MAP1LC3B2: variants seen among roughly 807,000 people sequenced by gnomAD.
MAP1LC3B2 encodes microtubule associated protein 1 light chain 3 beta 2, also known as microtubule-associated protein 1 light chain 3 beta 2.
For synonymous variants in MAP1LC3B2, 62 were observed against 57.8 expected (o/e 1.07, Z -0.33); for missense variants, 155 against 154.6 (o/e 1.00, Z -0.01).
intron 1 of MAP1LC3B2, chr12:116,560,195 T>TATATATACATATAC (rs1869219771): frequency 2.9e-4 from 1 of 3,394 alleles, no homozygotes; most frequent in African/African-American, 6.1e-4. Context: ...TGGCTATATA[T>TATATATACATATAC]ATATATATAT....
At chr12:116,575,511 C>T (rs532651135) in intron 1 of MAP1LC3B2, among the ~76,000 whole-genome samples, 11 of 152,170 alleles carry the variant, frequency 7.2e-5, no homozygotes, top group Non-Finnish European at 1.3e-4. Flanking sequence ...TTGACAATCA[C>T]TCAAAGGCAG....
rs1869615483 is a variant in MAP1LC3B2 at position 116,574,312 on chromosome 12, ATATATT to A, written c.-101-1523_-101-1518del. ...CAAAAACATGGTTGAGCAAGTCATG[ATATATT>A]TATATTAAGAAAAACAGTGCAGGTA... is the stretch of plus-strand genomic sequence containing the variant. On this transcript the variant is annotated intron_variant, in intron 1 of 1. Transcript: ENST00000556529. Among the ~76,000 whole-genome samples, 3 of 152,104 alleles carry A rather than the reference ATATATT, an allele frequency of 2.0e-5. No homozygotes were observed. In the East Asian group the frequency reaches 5.8e-4, roughly 29 times the overall value.
chr12:116,565,875 TGAAAGCAATATTTAC>T (rs1385081648), intron 1 of MAP1LC3B2, among the ~76,000 whole-genome samples: 3 of 152,222 alleles, frequency 2.0e-5, no homozygotes, highest in Non-Finnish European at 4.4e-5. Context: ...AAAATATTTA[TGAAAGCAATATTTAC>T]GAAAGCACAA....
At position 116,575,908 on chromosome 12, in the gene MAP1LC3B2, C is replaced by A. The variant is rs770614937; in HGVS notation, c.-35C>A. On this transcript the variant is annotated 5_prime_UTR_variant, in exon 2 of 2. Transcript: ENST00000556529. ...CACCCCCAGGAGCCGCCGGGACCCTCGCGTCGTCGCCGCCGCGGCCCAGAT... is the reference window on the plus strand; with the variant it reads ...CACCCCCAGGAGCCGCCGGGACCCTAGCGTCGTCGCCGCCGCGGCCCAGAT... 4 of 1,613,292 alleles carry A rather than the reference C, an allele frequency of 2.5e-6. No homozygotes were observed. The East Asian group carries it at 8.9e-5, about 36-fold the overall frequency.
chr12:116,568,986 C>G (rs552833631), intron 1 of MAP1LC3B2, among the ~76,000 whole-genome samples: 1 of 151,348 alleles, frequency 6.6e-6, no homozygotes, highest in Non-Finnish European at 1.5e-5. Flanking sequence ...CAGCCTCCTG[C>G]GTACCTGGGA....
Position 116,565,910 on chromosome 12 carries a change from G to T in MAP1LC3B2, c.-102+6477G>T, listed in dbSNP as rs150878646. Among the ~76,000 whole-genome samples the T allele has an allele frequency of 2.4e-3, 360 of 152,360 alleles. 3 individuals are homozygous for T. Among genetic ancestry groups the T allele is most frequent in the Middle Eastern group, 0.01 (3 of 294 alleles). ...ATTTACGAAAGCACAAAATCTTTAA[G>T]TAGGGTTGGCTTTTGAACTCAGAGC... On this transcript the variant is annotated intron_variant, in intron 1 of 1. Coordinates refer to ENST00000556529, the MANE Select transcript of MAP1LC3B2 (RefSeq NM_001085481.3).
chr12:116,560,188 C>CCACA (rs1491120344), intron 1 of MAP1LC3B2: 1 of 88,442 alleles, frequency 1.1e-5, no homozygotes, highest in African/African-American at 4.6e-5. Flanking sequence ...CTAAGTTTGG[C>CCACA]TATATATATA....
intron 1 of MAP1LC3B2, among the ~76,000 whole-genome samples, chr12:116,560,506 CAA>C (rs1869244793): frequency 1.3e-5 from 2 of 151,956 alleles, no homozygotes; most frequent in African/African-American, 4.8e-5. Flanking sequence ...CTCGGCCTCC[CAA>C]AGTCTTGGGA....
chr12:116,566,004 C>T (rs1048218702), intron 1 of MAP1LC3B2, among the ~76,000 whole-genome samples: 2 of 152,196 alleles, frequency 1.3e-5, no homozygotes, highest in African/African-American at 2.4e-5. Flanking sequence ...ACATCTCTGC[C>T]TTCCCCTCCA....
chr12:116,567,413 T>G (rs959894679), intron 1 of MAP1LC3B2, among the ~76,000 whole-genome samples: 10 of 152,146 alleles, frequency 6.6e-5, no homozygotes, highest in African/African-American at 2.4e-4. Context: ...TGGGAGAGTT[T>G]TAGTCACTTG....
intron 1 of MAP1LC3B2, among the ~76,000 whole-genome samples, chr12:116,560,242 G>GTATGTATATGTA (rs1869235693): frequency 3.5e-5 from 2 of 57,270 alleles, no homozygotes; most frequent in African/African-American, 6.0e-5. Flanking sequence ...ATATATATAT[G>GTATGTATATGTA]TATGTATATG....
intron 1 of MAP1LC3B2, among the ~76,000 whole-genome samples, chr12:116,572,238 G>C (rs1046285388): frequency 2.0e-5 from 3 of 152,150 alleles, no homozygotes; most frequent in African/African-American, 7.2e-5. Context: ...ATTTGTTTTG[G>C]TATTGCATAT....
At chr12:116,561,270 G>C (rs1264518744) in intron 1 of MAP1LC3B2, among the ~76,000 whole-genome samples, 2 of 149,812 alleles carry the variant, frequency 1.3e-5, no homozygotes, top group Admixed American at 6.6e-5. Context: ...GTGAGACCCT[G>C]TCTCAAAATA....
chr12:116,560,224 A>ATGTATGTATATG (rs1566022591), intron 1 of MAP1LC3B2: 2 of 108,566 alleles, frequency 1.8e-5, no homozygotes, highest in Non-Finnish European at 3.8e-5. Context: ...ATATATATAT[A>ATGTATGTATATG]TATATATATA....
At chr12:116,566,189 G>A (rs1394065845) in intron 1 of MAP1LC3B2, among the ~76,000 whole-genome samples, 1 of 152,186 alleles carries the variant, frequency 6.6e-6, no homozygotes, top group Non-Finnish European at 1.5e-5. Flanking sequence ...GGGGTGAAGG[G>A]CAAGCTTGAA....
chr12:116,565,046 G>T (rs886265810), intron 1 of MAP1LC3B2, among the ~76,000 whole-genome samples: 11 of 152,076 alleles, frequency 7.2e-5, no homozygotes, highest in African/African-American at 2.2e-4. Context: ...CTTCATCATG[G>T]CCAGAATCAG....
At chr12:116,574,101 T>C (rs568435999) in intron 1 of MAP1LC3B2, among the ~76,000 whole-genome samples, 9 of 152,154 alleles carry the variant, frequency 5.9e-5, no homozygotes, top group Non-Finnish European at 8.8e-5. Flanking sequence ...TATTATAACG[T>C]GGTGGAAAAT....
intron 1 of MAP1LC3B2, among the ~76,000 whole-genome samples, chr12:116,565,350 T>A (rs1427350290): frequency 6.6e-6 from 1 of 152,214 alleles, no homozygotes; most frequent in Admixed American, 6.5e-5. Context: ...AGTCATGTCT[T>A]ACATGGATGG....
intron 1 of MAP1LC3B2, among the ~76,000 whole-genome samples, chr12:116,565,721 A>G (rs1717302459): frequency 6.6e-6 from 1 of 152,190 alleles, no homozygotes; most frequent in Non-Finnish European, 1.5e-5. Context: ...TCTTGGCCAG[A>G]GGAGGACAAG....
Sources: allele counts gnomAD v4.1 joint callset (sites outside exome capture counted in the v4.1 genomes callset), GRCh38; gene constraint gnomAD v4.1.1; transcripts MANE v1.5; gene names NCBI Gene and HGNC (gene_info 2026-07-23, HGNC 2026-07-21).